ASAP2: variants seen among roughly 807,000 people sequenced by gnomAD.
The protein encoded by ASAP2 is ArfGAP with SH3 domain, ankyrin repeat and PH domain 2.
ASAP2 carries 45 observed loss-of-function variants against 131.4 expected under a neutral mutation model. The ratio of observed to expected loss-of-function variants is 0.34; its 90% CI spans 0.27 to 0.44. The LOEUF (loss-of-function observed/expected upper bound fraction) is 0.44. Ranked by LOEUF, ASAP2 falls within the 20% of genes least tolerant of loss-of-function variation. ASAP2 has a pLI of 1.00. For missense variants in ASAP2, 1,011 were observed against 1,297.0 expected, an observed-to-expected ratio of 0.78 and a Z score of 3.39; for synonymous variants, 510 against 503.0, an observed-to-expected ratio of 1.01 and a Z score of -0.19.
chr2:9,225,729 A>AC (rs1338899791), intron 1 of ASAP2, among the ~76,000 whole-genome samples: 1 of 152,060 alleles, frequency 6.6e-6, no homozygotes, highest in Non-Finnish European at 1.5e-5. Context: ...GGGCAGGGAG[A>AC]CCAATAGGAA....
intron 1 of ASAP2, among the ~76,000 whole-genome samples, chr2:9,277,248 G>T (rs567525137): frequency 2.0e-5 from 3 of 152,220 alleles, no homozygotes; most frequent in Non-Finnish European, 4.4e-5. Flanking sequence ...TTCTGGCACA[G>T]CCCTGAGCAC....
intron 1 of ASAP2, among the ~76,000 whole-genome samples, chr2:9,250,225 TG>T (rs1462516916): frequency 6.6e-6 from 1 of 152,224 alleles, no homozygotes; most frequent in African/African-American, 2.4e-5. Context: ...TAACATTTGT[TG>T]GATAAAACTC....
chr2:9,375,562 A>G (rs1674342449), intron 17 of ASAP2, among the ~76,000 whole-genome samples: 1 of 152,166 alleles, frequency 6.6e-6, no homozygotes, highest in Non-Finnish European at 1.5e-5. Flanking sequence ...CACATTTAAA[A>G]TCGACTCAGT....
chr2:9,251,042 T>G (rs1219355463), intron 1 of ASAP2, among the ~76,000 whole-genome samples: 1 of 151,800 alleles, frequency 6.6e-6, no homozygotes, highest in African/African-American at 2.4e-5. Flanking sequence ...GTCTGTAGAG[T>G]TTGAATTGGA....
At chr2:9,277,537 AT>A (rs1391399721) in intron 1 of ASAP2, among the ~76,000 whole-genome samples, 1 of 152,204 alleles carries the variant, frequency 6.6e-6, no homozygotes, top group African/African-American at 2.4e-5. Flanking sequence ...GCAGGAAAGA[AT>A]GCCTTTTTTA....
intron 21 of ASAP2, among the ~76,000 whole-genome samples, chr2:9,386,593 A>AAAT (rs1675278804): frequency 1.3e-5 from 2 of 152,124 alleles, no homozygotes; most frequent in Non-Finnish European, 2.9e-5. Flanking sequence ...TGCAATTTAG[A>AAAT]AATATGTGTG....
chr2:9,244,639 A>C (rs1308162841), intron 1 of ASAP2, among the ~76,000 whole-genome samples: 1 of 152,198 alleles, frequency 6.6e-6, no homozygotes, highest in Middle Eastern at 3.2e-3. Flanking sequence ...CCTGGCACTT[A>C]CTGGACTGAA....
chr2:9,265,929 T>C (rs1665908764), intron 1 of ASAP2, among the ~76,000 whole-genome samples: 1 of 152,012 alleles, frequency 6.6e-6, no homozygotes, highest in South Asian at 2.1e-4. Context: ...CGTGCCACCA[T>C]GCCCAGCTAA....
chr2:9,262,390 A>G (rs1370383689), intron 1 of ASAP2, among the ~76,000 whole-genome samples: 1 of 152,188 alleles, frequency 6.6e-6, no homozygotes, highest in Non-Finnish European at 1.5e-5. Context: ...GGACACTGGT[A>G]ATCACTATTA....
chr2:9,347,122 G>C lies in ASAP2; in HGVS notation c.1023+2322G>C, dbSNP rs1295370098. Among the ~76,000 whole-genome samples, 4 of 152,220 alleles carry C rather than the reference G, an allele frequency of 2.6e-5. No individual in the cohort carries two copies. In the South Asian group the frequency reaches 6.2e-4, roughly 24 times the overall value. ...CCGCCTACATCCTGCAGGGGTGGTA[G>C]GTGGGGCTGTCTTGATTCACTTCCT... On this transcript the variant is annotated intron_variant, in intron 11 of 27. Coordinates refer to ENST00000281419, the MANE Select transcript of ASAP2 (RefSeq NM_003887.3).
chr2:9,387,302 G>C (rs895917069), intron 21 of ASAP2, among the ~76,000 whole-genome samples: 3 of 151,886 alleles, frequency 2.0e-5, no homozygotes, highest in Non-Finnish European at 4.4e-5. Context: ...TAAGCTCTAC[G>C]GGCCTAAAGC....
In ASAP2 at chr2:9,241,602, C is replaced by G. The variant is rs111286552; in HGVS notation, c.126+34372C>G. On this transcript the variant is annotated intron_variant, in intron 1 of 27. Transcript: ENST00000281419. ...TACCCAGGCATGGTGGCGCCGTGAT[C>G]GCACCACTGCACTCCAGCCTGGAGT... Among the ~76,000 whole-genome samples, 458 of 152,262 alleles carry G rather than the reference C, an allele frequency of 3.0e-3. 4 individuals carry two copies. Among genetic ancestry groups the G allele is most frequent in the African/African-American group, 0.01 (432 of 41,528 alleles).
intron 1 of ASAP2, among the ~76,000 whole-genome samples, chr2:9,230,057 G>GT (rs1369682332): frequency 6.6e-6 from 1 of 152,182 alleles, no homozygotes; most frequent in Non-Finnish European, 1.5e-5. Flanking sequence ...AGATGATGAT[G>GT]TTTGCTTCTT....
At chr2:9,220,206 T>C (rs1333226994) in intron 1 of ASAP2, among the ~76,000 whole-genome samples, 1 of 152,250 alleles carries the variant, frequency 6.6e-6, no homozygotes, top group South Asian at 2.1e-4. Flanking sequence ...TTTTCACTTC[T>C]CTTGGGTATA....
intron 12 of ASAP2, among the ~76,000 whole-genome samples, chr2:9,352,965 T>C (rs1672449678): frequency 6.6e-6 from 1 of 152,208 alleles, no homozygotes; most frequent in African/African-American, 2.4e-5. Flanking sequence ...AAATTCTTCA[T>C]CCTCAGTGAG....
intron 3 of ASAP2, among the ~76,000 whole-genome samples, chr2:9,305,638 A>G (rs1572402813): frequency 2.3e-5 from 3 of 130,816 alleles, no homozygotes; most frequent in Admixed American, 7.7e-5. Context: ...AGGCTGGAGT[A>G]GTGGGGTATA....
chr2:9,305,982 T>C (rs1668903483), intron 3 of ASAP2, among the ~76,000 whole-genome samples: 1 of 143,488 alleles, frequency 7.0e-6, no homozygotes, highest in South Asian at 2.3e-4. Context: ...AGTAGTGGGG[T>C]ATAGATATTG....
chr2:9,403,567 A>C lies in ASAP2; in HGVS notation c.*240A>C. ...GAAAAACTGAATTTCCCAACAGGTG[A>C]ACTGAAAAGTTATTTTAACTATTAT... is the stretch of plus-strand genomic sequence containing the variant. On this transcript the variant is annotated 3_prime_UTR_variant, in exon 28 of 28. Transcript: ENST00000281419. 2.0e-6 allele frequency: 1 copy of C among 506,446 alleles called. No homozygotes were observed. The highest frequency in any genetic ancestry group is 2.9e-5 in the South Asian group (1 of 34,790). The allele number at this position is 506,446 out of a possible 1,614,324, so 31.4% of individuals were successfully genotyped here. A position where few individuals can be genotyped will look rare whatever the true frequency, so the allele number is the denominator to read the frequency against.
Position 9,377,012 on chromosome 2 carries a change from A to T in ASAP2, c.1832+19A>T. On this transcript the variant is annotated intron_variant, in intron 18 of 27. Coordinates refer to ENST00000281419, the MANE Select transcript of ASAP2 (RefSeq NM_003887.3). ...AGAACAGGTAGGTGTTCTGAAATTA[A>T]GGGAGGCACTCGTTTTCTCCTTGGT... 6.3e-7 allele frequency: 1 copy of T among 1,598,674 alleles called. No homozygotes were observed. The highest frequency in any genetic ancestry group is 1.1e-5 in the South Asian group (1 of 90,294).
Sources: gnomAD v4.1 joint callset for allele counts (sites outside exome capture counted in the v4.1 genomes callset) on GRCh38, gnomAD v4.1.1 for gene constraint, MANE v1.5 for transcripts, NCBI Gene and HGNC (gene_info 2026-07-23, HGNC 2026-07-21) for gene names.